DLG2: variants seen among roughly 807,000 people sequenced by gnomAD.
The protein encoded by DLG2 is discs large MAGUK scaffold protein 2, also known as disks large homolog 2.
DLG2 carries 45 observed loss-of-function variants against 132.5 expected under a neutral mutation model. That is an observed-to-expected ratio of 0.34 (90% confidence interval 0.27 to 0.44). DLG2 has a LOEUF of 0.44. Ranked by LOEUF, DLG2 falls within the 20% of genes least tolerant of loss-of-function variation. The pLI is 1.00. For synonymous variants in DLG2, 424 were observed against 419.6 expected, an observed-to-expected ratio of 1.01 and a Z score of -0.13; for missense variants, 1,045 against 1,196.9, an observed-to-expected ratio of 0.87 and a Z score of 1.87.
intron 21 of DLG2, among the ~76,000 whole-genome samples, chr11:83,503,416 TATATATAG>T (rs2094545083): frequency 2.1e-4 from 15 of 71,406 alleles, no homozygotes; most frequent in South Asian, 5.3e-4. Context: ...TATATATATA[TATATATAG>T]ATAGATCTAA....
intron 18 of DLG2, among the ~76,000 whole-genome samples, chr11:83,636,742 A>G (rs1195060335): frequency 6.6e-6 from 1 of 152,170 alleles, no homozygotes; most frequent in African/African-American, 2.4e-5. Context: ...GCCTTACAGT[A>G]TGGCTTATTA....
intron 4 of DLG2, among the ~76,000 whole-genome samples, chr11:85,190,538 T>G (rs566059358): frequency 1.3e-5 from 2 of 151,178 alleles, no homozygotes; most frequent in African/African-American, 4.9e-5. Flanking sequence ...GAAATTGAGA[T>G]GTAAAATTCA....
chr11:84,404,819 G>C (rs2098843007), intron 7 of DLG2, among the ~76,000 whole-genome samples: 1 of 152,156 alleles, frequency 6.6e-6, no homozygotes, highest in Non-Finnish European at 1.5e-5. Context: ...CAAGGTAATA[G>C]TCTAACTTTT....
At chr11:85,248,002 G>A (rs2076219912) in intron 4 of DLG2, among the ~76,000 whole-genome samples, 1 of 152,012 alleles carries the variant, frequency 6.6e-6, no homozygotes, top group African/African-American at 2.4e-5. Flanking sequence ...TCAGCTCTCT[G>A]ATCTCAGATG....
intron 6 of DLG2, among the ~76,000 whole-genome samples, chr11:85,024,388 T>C (rs756011278): frequency 5.9e-5 from 9 of 152,294 alleles, no homozygotes; most frequent in African/African-American, 1.4e-4. Context: ...AACTGTGTTT[T>C]TGTATCTAAT....
chr11:84,103,232 T>C (rs2092668414), intron 9 of DLG2, among the ~76,000 whole-genome samples: 1 of 152,136 alleles, frequency 6.6e-6, no homozygotes, highest in South Asian at 2.1e-4. Context: ...GCCAGCAGCA[T>C]TTAGCAGAGA....
At chr11:84,678,664 A>C (rs2153703420) in intron 6 of DLG2, among the ~76,000 whole-genome samples, 1 of 152,212 alleles carries the variant, frequency 6.6e-6, no homozygotes, top group African/African-American at 2.4e-5. Context: ...TGTAGCTTCT[A>C]TCAACATCAT....
chr11:84,175,114 T>A (rs1362198828), intron 8 of DLG2, among the ~76,000 whole-genome samples: 1 of 152,174 alleles, frequency 6.6e-6, no homozygotes, highest in African/African-American at 2.4e-5. Flanking sequence ...TGAGTGCCTA[T>A]AGGGATGGAG....
intron 6 of DLG2, among the ~76,000 whole-genome samples, chr11:84,911,743 T>C (rs1262558724): frequency 6.6e-6 from 1 of 152,184 alleles, no homozygotes; most frequent in African/African-American, 2.4e-5. Context: ...AAAAGTTTAC[T>C]TTCCTCCATT....
intron 6 of DLG2, among the ~76,000 whole-genome samples, chr11:85,097,614 G>T (rs375214544): frequency 6.6e-6 from 1 of 152,192 alleles, no homozygotes; most frequent in Non-Finnish European, 1.5e-5. Flanking sequence ...AGAAATTTAA[G>T]ATTTTCCTCT....
At chr11:84,588,330 C>T (rs1373075068) in intron 6 of DLG2, among the ~76,000 whole-genome samples, 2 of 152,154 alleles carry the variant, frequency 1.3e-5, no homozygotes, top group African/African-American at 4.8e-5. Context: ...TTCTTTTCAG[C>T]CCCACCCCCA....
At chr11:84,106,813 CTGTGTGTGTGTG>C (rs71066090) in intron 9 of DLG2, among the ~76,000 whole-genome samples, 1 of 132,824 alleles carries the variant, frequency 7.5e-6, no homozygotes, top group African/African-American at 2.7e-5. Context: ...AGATTATTAT[CTGTGTGTGTGTG>C]TGTGTGTGTG....
chr11:85,072,322 G>A (rs755144619), intron 6 of DLG2, among the ~76,000 whole-genome samples: 10 of 151,768 alleles, frequency 6.6e-5, no homozygotes, highest in Admixed American at 1.3e-4. Flanking sequence ...ACTTAAGCAT[G>A]TATAAATTCT....
intron 7 of DLG2, among the ~76,000 whole-genome samples, chr11:84,282,443 G>A (rs966515126): frequency 6.6e-6 from 1 of 151,998 alleles, no homozygotes; most frequent in African/African-American, 2.4e-5. Flanking sequence ...TTTGCAGAGG[G>A]GTGATGGATA....
chr11:85,104,550 G>T (rs1338381951), intron 6 of DLG2, among the ~76,000 whole-genome samples: 2 of 151,800 alleles, frequency 1.3e-5, no homozygotes, highest in African/African-American at 4.8e-5. Context: ...TAAGAGCTGG[G>T]AGGAGAATGG....
chr11:83,771,735 T>G (rs2094400444), intron 18 of DLG2, among the ~76,000 whole-genome samples: 1 of 152,190 alleles, frequency 6.6e-6, no homozygotes, highest in Admixed American at 6.5e-5. Flanking sequence ...TTTTAAAAAT[T>G]TGGATAAATG....
intron 5 of DLG2, among the ~76,000 whole-genome samples, chr11:85,140,210 A>G (rs2076376496): frequency 6.6e-6 from 1 of 151,888 alleles, no homozygotes. Flanking sequence ...ACAGTGTTGT[A>G]TCTTCAGTTT....
At chr11:85,545,980 C>G (rs1390126157) in intron 3 of DLG2, among the ~76,000 whole-genome samples, 1 of 152,044 alleles carries the variant, frequency 6.6e-6, no homozygotes, top group Non-Finnish European at 1.5e-5. Context: ...TTTTTTGTGT[C>G]TCTGTCTCCT....
intron 3 of DLG2, among the ~76,000 whole-genome samples, chr11:85,300,245 C>G (rs755270526): frequency 7.2e-5 from 11 of 152,126 alleles, no homozygotes; most frequent in Non-Finnish European, 1.5e-4. Context: ...AGCAACAAAA[C>G]AAAATGTGTA....
Sources: allele counts gnomAD v4.1 joint callset (sites outside exome capture counted in the v4.1 genomes callset), GRCh38; gene constraint gnomAD v4.1.1; transcripts MANE v1.5; gene names NCBI Gene and HGNC (gene_info 2026-07-23, HGNC 2026-07-21).